The following PEX14 variants were observed in gnomAD, a reference collection of about 807,000 sequenced individuals.
PEX14 encodes peroxisomal membrane protein PEX14.
PEX14 carries 15 observed loss-of-function variants against 49.5 expected under a neutral mutation model. That is an observed-to-expected ratio of 0.30 (90% CI 0.20 to 0.47). The LOEUF (loss-of-function observed/expected upper bound fraction) is 0.47. Among genes scored for constraint, PEX14 ranks in the 20% least tolerant of loss-of-function variants. The probability of loss-of-function intolerance (pLI) is 1.00; values close to 1 mark genes in which losing one functional copy is unlikely to be tolerated. For missense variants in PEX14, 398 were observed against 494.8 expected (o/e 0.80, Z 1.86); for synonymous variants, 210 against 212.7 (o/e 0.99, Z 0.11).
chr1:10,609,874 A>G (rs2124619632), intron 4 of PEX14, among the ~76,000 whole-genome samples: 1 of 152,190 alleles, frequency 6.6e-6, no homozygotes, highest in South Asian at 2.1e-4. Context: ...GACCGAACGA[A>G]GCTCCATCTC....
In PEX14 at chr1:10,623,539, CCT is replaced by C. The variant is rs1296661123; in HGVS notation, c.487+419_487+420del. ...GGCTCCCGGGACCCCAGCCACCTCC[CCT>C]GTTATCGACTCAACAGGGCTCGCGT... On this transcript the variant is annotated intron_variant, in intron 6 of 8. Transcript: ENST00000356607. The surrounding 1 kb of genome is among the most constrained non-coding windows in gnomAD (Gnocchi z 4.4). Among the ~76,000 whole-genome samples, 1 of 152,204 alleles carries C rather than the reference CCT, an allele frequency of 6.6e-6. No homozygotes were observed. The highest frequency in any genetic ancestry group is 1.5e-5 in the Non-Finnish European group (1 of 68,036).
chr1:10,487,992 G>A (rs1352674206), intron 1 of PEX14, among the ~76,000 whole-genome samples: 1 of 151,438 alleles, frequency 6.6e-6, no homozygotes, highest in Admixed American at 6.6e-5. Context: ...CCTTGGCCAG[G>A]CTTGTCTCGA....
At chr1:10,476,828 G>T (rs1377903297) in intron 1 of PEX14, among the ~76,000 whole-genome samples, 1 of 152,028 alleles carries the variant, frequency 6.6e-6, no homozygotes, top group Admixed American at 6.6e-5. Flanking sequence ...ATTTGCCAGT[G>T]CTGTAAACAG....
chr1:10,599,509 G>A (rs1003546337), intron 4 of PEX14, 143 bp downstream of exon 4: 2 of 918,176 alleles, frequency 2.2e-6, no homozygotes, highest in African/African-American at 3.3e-5. Flanking sequence ...CCCAAGGAAT[G>A]TGACACACCC....
At chr1:10,626,977 G>A (rs561699912) in intron 7 of PEX14, among the ~76,000 whole-genome samples, 19 of 152,240 alleles carry the variant, frequency 1.2e-4, no homozygotes, top group Admixed American at 7.2e-4. Flanking sequence ...ACTTCATACC[G>A]CACCCGCACG....
At chr1:10,579,266 A>G (rs1244055439) in intron 3 of PEX14, among the ~76,000 whole-genome samples, 1 of 152,148 alleles carries the variant, frequency 6.6e-6, no homozygotes, top group Non-Finnish European at 1.5e-5. Context: ...GAAAAAAGAC[A>G]CTTTATCTAG....
At chr1:10,586,087 C>G (rs1249019138) in intron 3 of PEX14, among the ~76,000 whole-genome samples, 1 of 152,210 alleles carries the variant, frequency 6.6e-6, no homozygotes, top group African/African-American at 2.4e-5. Flanking sequence ...TTCAAAACTT[C>G]TTTCAAAACT....
intron 3 of PEX14, among the ~76,000 whole-genome samples, chr1:10,572,681 C>A (rs1177985710): frequency 1.6e-4 from 4 of 24,268 alleles, no homozygotes; most frequent in Admixed American, 7.8e-4. Context: ...ACTATAGGCG[C>A]CCCCCCCACC....
chr1:10,592,123 G>GT (rs1333092992), intron 3 of PEX14, among the ~76,000 whole-genome samples: 2 of 152,172 alleles, frequency 1.3e-5, no homozygotes, highest in East Asian at 1.9e-4. Context: ...CACTAAAAGT[G>GT]TTTATCAATT....
intron 3 of PEX14, among the ~76,000 whole-genome samples, chr1:10,568,323 T>TTCCCCCC (rs1557849515): frequency 8.4e-6 from 1 of 118,718 alleles, no homozygotes; most frequent in Non-Finnish European, 1.6e-5. Context: ...TAGATACTCT[T>TTCCCCCC]CCCCCCCCCC....
chr1:10,586,596 A>G (rs975125498), intron 3 of PEX14, among the ~76,000 whole-genome samples: 1 of 146,458 alleles, frequency 6.8e-6, no homozygotes, highest in Non-Finnish European at 1.5e-5. Context: ...GATGACTCGC[A>G]AGCATAATGT....
chr1:10,571,802 C>G (rs1322194977), intron 3 of PEX14, among the ~76,000 whole-genome samples: 1 of 152,030 alleles, frequency 6.6e-6, no homozygotes, highest in East Asian at 1.9e-4. Flanking sequence ...GAGTGAGGCT[C>G]TGTCTCAAAA....
Position 10,613,138 on chromosome 1 carries a change from C to G in PEX14, c.299-5194C>G, listed in dbSNP as rs1256111697. Among the ~76,000 whole-genome samples, 4 of 150,228 alleles carry G rather than the reference C, an allele frequency of 2.7e-5. No individual in the cohort carries two copies. On this transcript the variant is annotated intron_variant, in intron 4 of 8. Transcript: ENST00000356607. The surrounding 1 kb of genome is among the most constrained non-coding windows in gnomAD (Gnocchi z 5.0). ...GTGGATCGGTCTGTGACTTGCTCAG[C>G]AAGGTTTCAGGCTCAACATTGCCGT...
chr1:10,475,563 C>T (rs1052688505), intron 1 of PEX14, among the ~76,000 whole-genome samples: 1 of 152,194 alleles, frequency 6.6e-6, no homozygotes, highest in African/African-American at 2.4e-5. Flanking sequence ...GACTAACAGA[C>T]GCCACCAAGC....
intron 3 of PEX14, among the ~76,000 whole-genome samples, chr1:10,594,355 A>G (rs980275277): frequency 1.3e-5 from 2 of 152,078 alleles, no homozygotes; most frequent in African/African-American, 4.8e-5. Flanking sequence ...CTCAGTGTCC[A>G]TGAGTCCCAG....
chr1:10,599,655 G>T (rs1640928349), intron 4 of PEX14, among the ~76,000 whole-genome samples: 1 of 152,224 alleles, frequency 6.6e-6, no homozygotes, highest in Non-Finnish European at 1.5e-5. Flanking sequence ...TATTGATTCT[G>T]TTCCCATCTC....
In PEX14 at chr1:10,552,226, G is replaced by T. The variant is rs149625208; in HGVS notation, c.169+15929G>T. On this transcript the variant is annotated intron_variant, in intron 3 of 8. Transcript: ENST00000356607. ...TGGGAGGCCGAGACGGGCAAATCAC[G>T]AGGTCAGGAGTTCAAGACCAGCCTG... 2.0e-5 allele frequency among the ~76,000 whole-genome samples: 3 copies of T among 152,244 alleles called. No homozygotes were observed. In the South Asian group the frequency reaches 6.2e-4, roughly 32 times the overall value.
At position 10,623,910 on chromosome 1, in the gene PEX14, G is replaced by A. The variant is rs1278748861; in HGVS notation, c.488-430G>A. Among the ~76,000 whole-genome samples the A allele has an allele frequency of 6.6e-6, 1 of 152,216 alleles. No individual in the cohort carries two copies. Among genetic ancestry groups the A allele is most frequent in the Non-Finnish European group, 1.5e-5 (1 of 68,038 alleles). On this transcript the variant is annotated intron_variant, in intron 6 of 8. Transcript: ENST00000356607. The surrounding 1 kb of genome is among the most constrained non-coding windows in gnomAD (Gnocchi z 4.4). ...GGGAAGGAGCAGTGGGAAACAGGAC[G>A]TGCGGCTTGAGCCACTCCTGGATGT...
chr1:10,477,934 G>A (rs1448915140), intron 1 of PEX14, among the ~76,000 whole-genome samples: 1 of 152,124 alleles, frequency 6.6e-6, no homozygotes, highest in Non-Finnish European at 1.5e-5. Flanking sequence ...TGTTGACCAG[G>A]CTGGAGTGCA....
Sources: allele counts gnomAD v4.1 joint callset (sites outside exome capture counted in the v4.1 genomes callset), GRCh38; gene constraint gnomAD v4.1.1; non-coding constraint Gnocchi (gnomAD v3.1); transcripts MANE v1.5; gene names NCBI Gene and HGNC (gene_info 2026-07-23, HGNC 2026-07-21).